CYP2C18: variants seen among roughly 807,000 people sequenced by gnomAD.
The protein encoded by CYP2C18 is cytochrome P450 2C18.
Under a neutral mutation model 41.3 loss-of-function variants are expected in CYP2C18, and 38 were observed. The ratio of observed to expected loss-of-function variants is 0.92; its 90% CI spans 0.71 to 1.21. The LOEUF (loss-of-function observed/expected upper bound fraction) is 1.21. Among genes scored for constraint, CYP2C18 ranks in the 50% most tolerant of loss-of-function variants. The pLI is 0.00. For missense variants in CYP2C18, 635 were observed against 591.4 expected, an observed-to-expected ratio of 1.07 and a Z score of -0.77; for synonymous variants, 236 against 210.0, an observed-to-expected ratio of 1.12 and a Z score of -1.07.
intron 8 of CYP2C18, 66 bp from the exon 9 acceptor site, chr10:94,735,197 A>G: frequency 1.4e-6 from 2 of 1,455,564 alleles, no homozygotes; most frequent in Non-Finnish European, 9.6e-7. Context: ...TAGTTACTGC[A>G]TACTCTTTGT....
At chr10:94,733,663 A>G (rs754280630) in intron 8 of CYP2C18, 1 of 914,764 alleles carries the variant, frequency 1.1e-6, no homozygotes, top group African/African-American at 1.8e-5. Context: ...TGAAAAAGCT[A>G]GAATGTAGGT....
intron 4 of CYP2C18, among the ~76,000 whole-genome samples, chr10:94,698,072 G>C (rs942937462): frequency 6.6e-6 from 1 of 152,044 alleles, no homozygotes; most frequent in African/African-American, 2.4e-5. Context: ...GACAGATCAA[G>C]GAGACAGAAG....
intron 8 of CYP2C18, among the ~76,000 whole-genome samples, chr10:94,734,153 C>T: frequency 6.6e-6 from 1 of 151,980 alleles, no homozygotes; most frequent in East Asian, 1.9e-4. Flanking sequence ...GGGTCAGAAC[C>T]TACCAACAAA....
chr10:94,715,610 C>T (rs1027193293), intron 5 of CYP2C18, among the ~76,000 whole-genome samples: 3 of 152,058 alleles, frequency 2.0e-5, no homozygotes, highest in East Asian at 3.9e-4. Flanking sequence ...ATTTTTGTAT[C>T]GATGTGCATC....
At chr10:94,694,090 G>A (rs1013759639) in intron 3 of CYP2C18, among the ~76,000 whole-genome samples, 1 of 152,190 alleles carries the variant, frequency 6.6e-6, no homozygotes, top group East Asian at 1.9e-4. Context: ...TGGCTAGATA[G>A]AACAATAACC....
At chr10:94,694,812 G>A in intron 3 of CYP2C18, 105 bp from the exon 4 acceptor site, 1 of 1,223,352 alleles carries the variant, frequency 8.2e-7, no homozygotes, top group Non-Finnish European at 1.1e-6. Flanking sequence ...GAATTTCTAG[G>A]TAGGTATTGG....
At chr10:94,718,064 A>G (rs1301317981) in intron 5 of CYP2C18, among the ~76,000 whole-genome samples, 1 of 152,040 alleles carries the variant, frequency 6.6e-6, no homozygotes, top group Non-Finnish European at 1.5e-5. Flanking sequence ...CATTTTAACA[A>G]TATCAACTCT....
At chr10:94,709,985 C>CT (rs907127044) in intron 5 of CYP2C18, among the ~76,000 whole-genome samples, 82 of 147,354 alleles carry the variant, frequency 5.6e-4, no homozygotes, top group South Asian at 1.1e-3. Context: ...TATGACAGTA[C>CT]TTTTTTTTTT....
intron 5 of CYP2C18, among the ~76,000 whole-genome samples, chr10:94,714,078 C>T (rs1218767908): frequency 6.6e-6 from 1 of 152,040 alleles, no homozygotes; most frequent in African/African-American, 2.4e-5. Context: ...TGGATATTAG[C>T]CCTTTGTCAG....
chr10:94,702,301 TCTC>T (rs1357947623), intron 4 of CYP2C18, among the ~76,000 whole-genome samples: 1 of 152,134 alleles, frequency 6.6e-6, no homozygotes, highest in Non-Finnish European at 1.5e-5. Context: ...TTGGGGAAGT[TCTC>T]CTGGATAGTA....
chr10:94,704,395 G>A (rs901589560), intron 4 of CYP2C18, among the ~76,000 whole-genome samples: 7 of 150,894 alleles, frequency 4.6e-5, no homozygotes, highest in African/African-American at 9.7e-5. Context: ...TGCAAGTCAT[G>A]TGTGGTTTCT....
At chr10:94,727,839 TTATC>T (rs1847769532) in intron 7 of CYP2C18, among the ~76,000 whole-genome samples, 1 of 152,124 alleles carries the variant, frequency 6.6e-6, no homozygotes, top group African/African-American at 2.4e-5. Context: ...TTATCTGCAT[TTATC>T]TATCATCTAT....
intron 4 of CYP2C18, among the ~76,000 whole-genome samples, chr10:94,704,690 A>T (rs768123746): frequency 6.6e-6 from 1 of 151,906 alleles, no homozygotes; most frequent in Admixed American, 6.6e-5. Context: ...ATCTTCTCAC[A>T]TTTTTCTAAC....
At chr10:94,697,625 TAAC>T (rs1490668468) in intron 4 of CYP2C18, among the ~76,000 whole-genome samples, 1 of 152,128 alleles carries the variant, frequency 6.6e-6, no homozygotes, top group Non-Finnish European at 1.5e-5. Context: ...AATTCACACA[TAAC>T]AATATTAACC....
At chr10:94,692,342 C>A (rs1205808119) in intron 3 of CYP2C18, among the ~76,000 whole-genome samples, 2 of 151,932 alleles carry the variant, frequency 1.3e-5, no homozygotes, top group African/African-American at 4.8e-5. Context: ...AAAAAAGATC[C>A]CCATCAAAAA....
At chr10:94,709,677 G>A (rs886349877) in intron 5 of CYP2C18, among the ~76,000 whole-genome samples, 15 of 151,956 alleles carry the variant, frequency 9.9e-5, no homozygotes, top group African/African-American at 3.6e-4. Flanking sequence ...TGATTTCTTA[G>A]TCCAATATCA....
At chr10:94,730,854 A>C (rs2134210553) in intron 7 of CYP2C18, among the ~76,000 whole-genome samples, 1 of 152,278 alleles carries the variant, frequency 6.6e-6, no homozygotes, top group South Asian at 2.1e-4. Flanking sequence ...TAAATGCACA[A>C]AAATCAATAG....
intron 8 of CYP2C18, among the ~76,000 whole-genome samples, chr10:94,734,388 C>T (rs1448228786): frequency 2.0e-5 from 3 of 152,094 alleles, no homozygotes; most frequent in African/African-American, 4.8e-5. Flanking sequence ...GAACTAAGGC[C>T]TTCTTTTAAG....
chr10:94,695,731 A>C (rs1214654589), intron 4 of CYP2C18, among the ~76,000 whole-genome samples: 2 of 152,120 alleles, frequency 1.3e-5, no homozygotes, highest in Non-Finnish European at 2.9e-5. Context: ...TCCCTTTCCT[A>C]GTCAAAGAAA....
Sources: gnomAD v4.1 joint callset for allele counts (sites outside exome capture counted in the v4.1 genomes callset) on GRCh38, gnomAD v4.1.1 for gene constraint, MANE v1.5 for transcripts, NCBI Gene and HGNC (gene_info 2026-07-23, HGNC 2026-07-21) for gene names.